The following PPIA variants were observed in gnomAD, a reference collection of about 807,000 sequenced individuals.
PPIA encodes peptidyl-prolyl cis-trans isomerase A.
PPIA carries 2 observed loss-of-function variants against 15.3 expected under a neutral mutation model. The ratio of observed to expected loss-of-function variants is 0.13; its 90% CI spans 0.05 to 0.41. The LOEUF (loss-of-function observed/expected upper bound fraction) is 0.41. Ranked by LOEUF, PPIA falls within the 10% of genes least tolerant of loss-of-function variation. The pLI, the probability that PPIA is intolerant of heterozygous loss-of-function variation, is 0.99. For synonymous variants in PPIA, 67 were observed against 73.1 expected, an observed-to-expected ratio of 0.92 and a Z score of 0.43; for missense variants, 103 against 210.3, an observed-to-expected ratio of 0.49 and a Z score of 3.16.
At chr7:44,799,973 A>G (rs1342533112) in intron 4 of PPIA, 99 bp downstream of exon 4, 15 of 1,249,748 alleles carry the variant, frequency 1.2e-5, no homozygotes, top group Non-Finnish European at 1.7e-5. Flanking sequence ...TTGCTTCCAC[A>G]GACTTTTTCA....
In PPIA at chr7:44,796,709, C is replaced by G. The variant is rs200534700; in HGVS notation, c.-16C>G. 7.5e-6 allele frequency: 12 copies of G among 1,609,984 alleles called. No homozygotes were observed. Among genetic ancestry groups the G allele is most frequent in the Non-Finnish European group, 9.3e-6 (11 of 1,178,452 alleles). ...TTGCAGACGCCACCGCCGAGGAAAA[C>G]CGTGTACTATTAGCCATGGTCAACC... is the stretch of plus-strand genomic sequence containing the variant. On this transcript the variant is annotated 5_prime_UTR_variant, in exon 1 of 5. Coordinates refer to ENST00000468812, the MANE Select transcript of PPIA (RefSeq NM_021130.5).
In PPIA at chr7:44,799,727, G is replaced by C; in HGVS notation, c.215G>C (p.Gly72Ala). 1 of 1,613,952 alleles carries C rather than the reference G, an allele frequency of 6.2e-7. No individual in the cohort carries two copies. Reference sequence around the variant, plus strand: ...GGTGGTGACTTCACACGCCATAATGGCACTGGTGGCAAGTCCATCTATGGG... The same window carrying C: ...GGTGGTGACTTCACACGCCATAATGCCACTGGTGGCAAGTCCATCTATGGG... ...CQGGDFTRHN[G>A]TGGKSIYGEK... The change falls in exon 4 of 5, where the codon GGC becomes GCC. Residue 72 changes from glycine (G) to alanine (A), a missense_variant. Transcript: ENST00000468812.
At position 44,799,497 on chromosome 7, in the gene PPIA, A is replaced by G; in HGVS notation, c.189+17A>G. 1 of 1,607,448 alleles carries G rather than the reference A, an allele frequency of 6.2e-7. No individual in the cohort carries two copies. The highest frequency in any genetic ancestry group is 8.5e-7 in the Non-Finnish European group (1 of 1,177,194). Reference sequence around the variant, plus strand: ...ATGTGTCAGGTACGAAATTTACTGAATTTTATTTTATTTGGGTTGCTCCCT... The same window carrying G: ...ATGTGTCAGGTACGAAATTTACTGAGTTTTATTTTATTTGGGTTGCTCCCT... On this transcript the variant is annotated intron_variant, in intron 3 of 4. Transcript: ENST00000468812.
At position 44,802,741 on chromosome 7, in the gene PPIA, A is replaced by G. The variant is rs548898832; in HGVS notation, c.*1319A>G. ...CAATTTAAGCCATAAGATCTGGTCAAAGGGATACCCTTCCCACTAAGGACT... is the reference window on the plus strand; with the variant it reads ...CAATTTAAGCCATAAGATCTGGTCAGAGGGATACCCTTCCCACTAAGGACT... On this transcript the variant is annotated 3_prime_UTR_variant, in exon 5 of 5. Transcript: ENST00000468812. 3 of 152,322 alleles carry G rather than the reference A, an allele frequency of 2.0e-5. No homozygotes were observed. The highest frequency in any genetic ancestry group is 7.2e-5 in the African/African-American group (3 of 41,556). 9.4% of individuals were successfully genotyped at this position (152,322 alleles called of 1,614,324 possible). A position where few individuals can be genotyped will look rare whatever the true frequency, so the allele number is the denominator to read the frequency against.
Position 44,801,410 on chromosome 7 carries a change from A to G in PPIA, c.486A>G (p.Gly162=), listed in dbSNP as rs1583693576. 3 of 1,550,846 alleles carry G rather than the reference A, an allele frequency of 1.9e-6. No individual in the cohort carries two copies. The highest frequency in any genetic ancestry group is 2.7e-5 in the African/African-American group (2 of 73,850). Residue 162 remains glycine, a synonymous_variant, in exon 5 of 5, where the codon GGA becomes GGG. Coordinates refer to ENST00000468812, the MANE Select transcript of PPIA (RefSeq NM_021130.5). The part of the protein sequence containing the change: ...TSKKITIADC[G]QLE ...AGAAGATCACCATTGCTGACTGTGGACAACTCGAATAAGTTTGACTTGTGT... is the reference window on the plus strand; with the variant it reads ...AGAAGATCACCATTGCTGACTGTGGGCAACTCGAATAAGTTTGACTTGTGT...
intron 4 of PPIA, among the ~76,000 whole-genome samples, chr7:44,800,871 G>T (rs1263453931): frequency 6.6e-6 from 1 of 152,146 alleles, no homozygotes; most frequent in Non-Finnish European, 1.5e-5. Flanking sequence ...AGGCTGGAGT[G>T]CAGTGGCGCG....
In PPIA at chr7:44,796,822, G is replaced by A. The variant is rs530225759; in HGVS notation, c.69+29G>A. 7 of 1,593,364 alleles carry A rather than the reference G, an allele frequency of 4.4e-6. No homozygotes were observed. The African/African-American group carries it at 8.2e-5, about 19-fold the overall frequency. On this transcript the variant is annotated intron_variant, in intron 1 of 4. Transcript: ENST00000468812. ...GGGCGGGCGGCGGCGTGCGGGAATG[G>A]GGCCCAGAAAGTGGGCCGGGGTCGG...
intron 1 of PPIA, 26 bp from the exon 2 acceptor site, chr7:44,799,221 T>C: frequency 6.2e-7 from 1 of 1,611,520 alleles, no homozygotes; most frequent in Non-Finnish European, 8.5e-7. Context: ...AAGCAGATGT[T>C]AATTAACTGT....
At chr7:44,797,694 G>A (rs372412747) in intron 1 of PPIA, among the ~76,000 whole-genome samples, 1 of 152,246 alleles carries the variant, frequency 6.6e-6, no homozygotes, top group Non-Finnish European at 1.5e-5. Flanking sequence ...TGTAATTATA[G>A]CATAGTATCT....
In PPIA at chr7:44,796,843, G is replaced by A. The variant is rs375164697; in HGVS notation, c.69+50G>A. The A allele has an allele frequency of 1.9e-5, 29 of 1,559,344 alleles. No individual in the cohort carries two copies. In the African/African-American group the frequency reaches 3.1e-4, roughly 17 times the overall value. ...AATGGGGCCCAGAAAGTGGGCCGGG[G>A]TCGGGGTGGGTGGTAGCGCCCCAAA... On this transcript the variant is annotated intron_variant, in intron 1 of 4. Coordinates refer to ENST00000468812, the MANE Select transcript of PPIA (RefSeq NM_021130.5).
At position 44,797,608 on chromosome 7, in the gene PPIA, C is replaced by T. The variant is rs141337259; in HGVS notation, c.69+815C>T. On this transcript the variant is annotated intron_variant, in intron 1 of 4. Coordinates refer to ENST00000468812, the MANE Select transcript of PPIA (RefSeq NM_021130.5). ...AGTTGCGACTGGCCACAAGGCAGGC[C>T]TCTTCCGACCAAGGTGGATTACCAG... 2.9e-4 allele frequency among the ~76,000 whole-genome samples: 44 copies of T among 152,280 alleles called. No individual in the cohort carries two copies. In the East Asian group the frequency reaches 8.5e-3, roughly 29 times the overall value.
chr7:44,799,191 T>TG, intron 1 of PPIA, 56 bp from the exon 2 acceptor site: 9 of 1,556,978 alleles, frequency 5.8e-6, no homozygotes, highest in Non-Finnish European at 7.9e-6. Context: ...CCTAAAGACA[T>TG]GGGTACTAAG....
At position 44,799,692 on chromosome 7, in the gene PPIA, A is replaced by G; in HGVS notation, c.190-10A>G. 6.2e-7 allele frequency: 1 copy of G among 1,613,932 alleles called. No homozygotes were observed. Among genetic ancestry groups the G allele is most frequent in the Non-Finnish European group, 8.5e-7 (1 of 1,179,846 alleles). ...TTGTCAGAAGTGACATTTTTCCTATATGTTGACAGGGTGGTGACTTCACAC... is the reference window on the plus strand; with the variant it reads ...TTGTCAGAAGTGACATTTTTCCTATGTGTTGACAGGGTGGTGACTTCACAC... On this transcript the variant is annotated splice_polypyrimidine_tract_variant and intron_variant, in intron 3 of 4. Coordinates refer to ENST00000468812, the MANE Select transcript of PPIA (RefSeq NM_021130.5).
At chr7:44,798,944 TA>T in intron 1 of PPIA, 1 of 1,125,728 alleles carries the variant, frequency 8.9e-7, no homozygotes, top group Non-Finnish European at 1.1e-6. Context: ...GATAGACATT[TA>T]AGAAGCCATA....
chr7:44,799,401 G>A lies in PPIA; in HGVS notation c.110G>A (p.Arg37His). Residue 37 changes from arginine (R) to histidine (H), a missense_variant, in exon 3 of 5, where the codon CGT becomes CAT. Transcript: ENST00000468812. ...DKVPKTAENF[R>H]ALSTGEKGFG... ...ATTTTTTTTTAAACAGAAAATTTTC[G>A]TGCTCTGAGCACTGGAGAGAAAGGA... 1 of 1,612,096 alleles carries A rather than the reference G, an allele frequency of 6.2e-7. No individual in the cohort carries two copies. Among genetic ancestry groups the A allele is most frequent in the Non-Finnish European group, 8.5e-7 (1 of 1,179,698 alleles).
In PPIA at chr7:44,799,079, A is replaced by G. The variant is rs991577659; in HGVS notation, c.70-168A>G. The stretch of plus-strand genomic sequence containing the variant: ...TTTGGGTTTCATGTTTCTTAACCCA[A>G]CTGCCTGCAGGGCCTTATGGCTGTC... On this transcript the variant is annotated intron_variant, in intron 1 of 4. Transcript: ENST00000468812. The G allele has an allele frequency of 3.7e-6, 4 of 1,079,576 alleles. No homozygotes were observed. In the African/African-American group the frequency reaches 4.8e-5, roughly 13 times the overall value. The allele number at this position is 1,079,576 out of a possible 1,614,324, so 66.9% of individuals were successfully genotyped here. A position where few individuals can be genotyped will look rare whatever the true frequency, so the allele number is the denominator to read the frequency against.
rs542517958 is a variant in PPIA at position 44,799,484 on chromosome 7, C to T, written c.189+4C>T. ...TATTCCAGGGTTTATGTGTCAGGTACGAAATTTACTGAATTTTATTTTATT... is the reference window on the plus strand; with the variant it reads ...TATTCCAGGGTTTATGTGTCAGGTATGAAATTTACTGAATTTTATTTTATT... On this transcript the variant is annotated splice_donor_region_variant and intron_variant, in intron 3 of 4. Transcript: ENST00000468812. 142 of 1,609,976 alleles carry T rather than the reference C, an allele frequency of 8.8e-5. 1 individual carries two copies. Among genetic ancestry groups the T allele is most frequent in the African/African-American group, 2.1e-4 (16 of 74,866 alleles).
chr7:44,802,654 G>A lies in PPIA; in HGVS notation c.*1232G>A, dbSNP rs1320480821. ...TACCTGCAGTGAGGAGGTACTGCTT[G>A]TAGCATATAGAGCCTCTCCCTAGCT... On this transcript the variant is annotated 3_prime_UTR_variant, in exon 5 of 5. Transcript: ENST00000468812. The A allele has an allele frequency of 6.6e-6, 1 of 152,184 alleles. No homozygotes were observed. Among genetic ancestry groups the A allele is most frequent in the Non-Finnish European group, 1.5e-5 (1 of 68,054 alleles). The allele number at this position is 152,184 out of a possible 1,614,324, so 9.4% of individuals were successfully genotyped here. A position where few individuals can be genotyped will look rare whatever the true frequency, so the allele number is the denominator to read the frequency against.
chr7:44,800,927 C>G (rs1378417527), intron 4 of PPIA, among the ~76,000 whole-genome samples: 5 of 152,078 alleles, frequency 3.3e-5, no homozygotes, highest in African/African-American at 1.2e-4. Context: ...ACGCCATTCT[C>G]CTGCCTCAGC....
Sources: allele counts gnomAD v4.1 joint callset (sites outside exome capture counted in the v4.1 genomes callset), GRCh38; gene constraint gnomAD v4.1.1; transcripts MANE v1.5; gene names NCBI Gene and HGNC (gene_info 2026-07-23, HGNC 2026-07-21).